Variants in WWC1 observed in about 807,000 individuals in gnomAD.
WWC1 encodes WW and C2 domain containing 1.
Under a neutral mutation model 138.4 loss-of-function variants are expected in WWC1, and 55 were observed. That is an observed-to-expected ratio of 0.40 (90% CI 0.32 to 0.50). WWC1 has a LOEUF of 0.50. Among genes scored for constraint, WWC1 ranks in the 20% least tolerant of loss-of-function variants. The pLI is 0.72. For missense variants in WWC1, 1,226 were observed against 1,420.4 expected (o/e 0.86, Z 2.20); for synonymous variants, 524 against 564.9 (o/e 0.93, Z 1.03).
chr5:168,443,306 C>T (rs1307540244), intron 16 of WWC1, among the ~76,000 whole-genome samples: 1 of 152,062 alleles, frequency 6.6e-6, no homozygotes, highest in Admixed American at 6.6e-5. Flanking sequence ...TCTCCTTTCC[C>T]TCCCATCCCC....
Position 168,408,595 on chromosome 5 carries a change from G to A in WWC1, c.809G>A (p.Ser270Asn). 6.2e-7 allele frequency: 1 copy of A among 1,614,202 alleles called. No individual in the cohort carries two copies. Among genetic ancestry groups the A allele is most frequent in the South Asian group, 1.1e-5 (1 of 91,076 alleles). ...WSSSSSLESS[S>N]FPLPKQYLDV... The stretch of plus-strand genomic sequence containing the variant: ...AGCAGCAGCTCTCTGGAGAGTTCGA[G>A]TTTCCCGCTACCGAAACAGTACCTG... The change falls in exon 7 of 23, where the codon AGT (serine) becomes AAT (asparagine). Residue 270 changes from serine (S) to asparagine (N), a missense_variant. By Grantham distance (46) the Ser-to-Asn change is conservative (BLOSUM62 1). This residue lies in a region of WWC1 where 1,016 missense variants were observed against 1,153.9 expected (regional missense o/e 0.88). Transcript: ENST00000265293.
At chr5:168,395,664 A>C (rs1778847572) in intron 3 of WWC1, among the ~76,000 whole-genome samples, 1 of 152,196 alleles carries the variant, frequency 6.6e-6, no homozygotes, top group South Asian at 2.1e-4. Context: ...TTGGCAATAA[A>C]ACATCTCTGT....
intron 1 of WWC1, among the ~76,000 whole-genome samples, chr5:168,362,440 G>A (rs1212133131): frequency 2.6e-5 from 4 of 152,220 alleles, no homozygotes; most frequent in Non-Finnish European, 4.4e-5. Context: ...TCTGGCTCCA[G>A]AGCCCTCTGC....
chr5:168,332,956 T>A (rs1476457695), intron 1 of WWC1, among the ~76,000 whole-genome samples: 1 of 152,068 alleles, frequency 6.6e-6, no homozygotes, highest in Non-Finnish European at 1.5e-5. Context: ...CAATCTACCC[T>A]CCTCAGCCTC....
chr5:168,319,762 A>G (rs1003898247), intron 1 of WWC1, among the ~76,000 whole-genome samples: 2 of 152,152 alleles, frequency 1.3e-5, no homozygotes, highest in African/African-American at 2.4e-5. Context: ...TTGGCCTCCC[A>G]TAGTGTTGGG....
intron 12 of WWC1, 39 bp from the exon 13 acceptor site, chr5:168,428,668 G>T (rs1284514402): frequency 6.3e-7 from 1 of 1,597,698 alleles, no homozygotes; most frequent in Admixed American, 1.7e-5. Flanking sequence ...TTTGTTCACT[G>T]TAGGGAAGCC....
intron 4 of WWC1, among the ~76,000 whole-genome samples, chr5:168,398,788 A>AGGTCT (rs1361415941): frequency 6.6e-6 from 1 of 152,108 alleles, no homozygotes; most frequent in Admixed American, 6.6e-5. Flanking sequence ...TAACCAGGAG[A>AGGTCT]GGTCTGCCCA....
chr5:168,299,767 T>A (rs1480448785), intron 1 of WWC1, among the ~76,000 whole-genome samples: 2 of 152,066 alleles, frequency 1.3e-5, no homozygotes, highest in Non-Finnish European at 2.9e-5. Flanking sequence ...TAAGTGTGAG[T>A]CGAAGGTGGC....
At chr5:168,337,094 A>T (rs982068316) in intron 1 of WWC1, among the ~76,000 whole-genome samples, 1 of 152,030 alleles carries the variant, frequency 6.6e-6, no homozygotes, top group African/African-American at 2.4e-5. Flanking sequence ...AGAAAAAGGA[A>T]CCTCACCCTG....
chr5:168,371,437 C>G lies in WWC1; in HGVS notation c.133C>G (p.Leu45Val). Residue 45 changes from leucine to valine, a missense_variant, in exon 2 of 23, where the codon CTC becomes GTC. Physicochemically the swap from Leu to Val is conservative, Grantham distance 32. Around this residue, in one of 3 missense-constraint regions of WWC1, gnomAD observed 1,016 missense variants for 1,153.9 expected, o/e 0.88. Transcript: ENST00000265293. ...CTCCCTTGCCAGGTACACCAAACCG[C>G]TCACCTTTGCTGACTGCATTAGTGA... ...IDPRDRYTKP[L>V]TFADCISDEL... 6.2e-7 allele frequency: 1 copy of G among 1,614,018 alleles called. No homozygotes were observed. The highest frequency in any genetic ancestry group is 1.3e-5 in the African/African-American group (1 of 75,036).
chr5:168,369,281 G>A (rs1181294521), intron 1 of WWC1, among the ~76,000 whole-genome samples: 1 of 152,200 alleles, frequency 6.6e-6, no homozygotes, highest in Non-Finnish European at 1.5e-5. Context: ...TGGAGAGTTA[G>A]TACTGTCCTC....
intron 4 of WWC1, among the ~76,000 whole-genome samples, chr5:168,398,901 A>G (rs1211052298): frequency 2.6e-5 from 4 of 152,240 alleles, no homozygotes; most frequent in African/African-American, 9.6e-5. Context: ...CTGTGTGTCT[A>G]GGTTTATTAT....
At chr5:168,320,876 A>G (rs1772013339) in intron 1 of WWC1, among the ~76,000 whole-genome samples, 1 of 152,140 alleles carries the variant, frequency 6.6e-6, no homozygotes, top group African/African-American at 2.4e-5. Flanking sequence ...GTGAGTGCAG[A>G]ACTGGCAACC....
At chr5:168,463,044 T>C in intron 20 of WWC1, among the ~76,000 whole-genome samples, 1 of 152,208 alleles carries the variant, frequency 6.6e-6, no homozygotes, top group East Asian at 1.9e-4. Flanking sequence ...AAAATGAGAC[T>C]AGGTCTTATG....
At chr5:168,333,249 C>T (rs1294471692) in intron 1 of WWC1, among the ~76,000 whole-genome samples, 1 of 152,244 alleles carries the variant, frequency 6.6e-6, no homozygotes, top group Admixed American at 6.5e-5. Context: ...CCTTGCCCGC[C>T]TCTTTCCCTT....
At chr5:168,381,688 C>A (rs1329156347) in intron 2 of WWC1, among the ~76,000 whole-genome samples, 3 of 151,304 alleles carry the variant, frequency 2.0e-5, no homozygotes, top group Non-Finnish European at 4.4e-5. Context: ...TAAAAACTGT[C>A]AATACCTGAG....
At chr5:168,382,327 A>G (rs1410538715) in intron 2 of WWC1, among the ~76,000 whole-genome samples, 1 of 152,218 alleles carries the variant, frequency 6.6e-6, no homozygotes, top group Non-Finnish European at 1.5e-5. Context: ...TATAATCAGA[A>G]GGCAGTATCT....
At chr5:168,317,040 A>G (rs543583552) in intron 1 of WWC1, among the ~76,000 whole-genome samples, 3 of 152,332 alleles carry the variant, frequency 2.0e-5, no homozygotes, top group Admixed American at 1.3e-4. Flanking sequence ...ACCCGGCAGT[A>G]GTGATAGCTG....
chr5:168,459,304 G>C (rs1007527826), intron 19 of WWC1, among the ~76,000 whole-genome samples: 1 of 151,034 alleles, frequency 6.6e-6, no homozygotes, highest in Non-Finnish European at 1.5e-5. Context: ...CCCCCTTCTG[G>C]TACCACATGC....
Sources: gnomAD v4.1 joint callset for allele counts (sites outside exome capture counted in the v4.1 genomes callset) on GRCh38, gnomAD v4.1.1 for gene constraint, gnomAD v4.1.1 regional missense constraint, MANE v1.5 for transcripts, NCBI Gene and HGNC (gene_info 2026-07-23, HGNC 2026-07-21) for gene names.